ABTB3: variants seen among roughly 807,000 people sequenced by gnomAD.
ABTB3 encodes ankyrin repeat and BTB domain containing 3, also known as ankyrin repeat- and BTB/POZ domain-containing protein 3.
the ABTB3 span, among the ~76,000 whole-genome samples, chr12:107,363,372 G>A: frequency 6.6e-6 from 1 of 152,202 alleles, no homozygotes. Context: ...ATTCCATTTT[G>A]ACTTAAGGAT....
chr12:107,469,559 G>C, the ABTB3 span, among the ~76,000 whole-genome samples: 2 of 152,184 alleles, frequency 1.3e-5, no homozygotes, highest in African/African-American at 4.8e-5. Flanking sequence ...CGGGGGTGGA[G>C]AGGGCGAGGC....
At chr12:107,607,526 G>T in the ABTB3 span, among the ~76,000 whole-genome samples, 2 of 152,118 alleles carry the variant, frequency 1.3e-5, no homozygotes, top group Non-Finnish European at 1.5e-5. Flanking sequence ...GATCAACTCT[G>T]GGCCCCTAAG....
At chr12:107,556,956 G>A in the ABTB3 span, among the ~76,000 whole-genome samples, 1 of 152,012 alleles carries the variant, frequency 6.6e-6, no homozygotes, top group Non-Finnish European at 1.5e-5. Flanking sequence ...AGGTTGAAGT[G>A]AGCTGAGATC....
the ABTB3 span, among the ~76,000 whole-genome samples, chr12:107,349,536 C>T: frequency 0.2 from 30,319 of 152,134 alleles, 3,518 homozygotes; most frequent in East Asian, 0.34. Context: ...TGTGTAATCT[C>T]AGCAGGTTAT....
At chr12:107,603,945 G>A in the ABTB3 span, among the ~76,000 whole-genome samples, 4 of 152,118 alleles carry the variant, frequency 2.6e-5, no homozygotes, top group South Asian at 2.1e-4. Context: ...TGAGGCAGGC[G>A]GATCACAAGG....
chr12:107,445,720 A>G, the ABTB3 span, among the ~76,000 whole-genome samples: 1 of 152,326 alleles, frequency 6.6e-6, no homozygotes, highest in South Asian at 2.1e-4. Context: ...TCGAGGTGTC[A>G]GTAGAAAGTC....
At chr12:107,636,263 A>G in the ABTB3 span, among the ~76,000 whole-genome samples, 32 of 152,262 alleles carry the variant, frequency 2.1e-4, no homozygotes, top group East Asian at 5.8e-3. Context: ...GAGTTGATCA[A>G]CCTACAAAAA....
the ABTB3 span, among the ~76,000 whole-genome samples, chr12:107,411,926 C>T: frequency 2.8e-4 from 42 of 152,154 alleles, 2 homozygotes; most frequent in Admixed American, 2.2e-3. Flanking sequence ...GAGAGCAAGT[C>T]CTTTTATGGC....
At chr12:107,523,576 CT>C in the ABTB3 span, among the ~76,000 whole-genome samples, 1 of 151,704 alleles carries the variant, frequency 6.6e-6, no homozygotes, top group African/African-American at 2.4e-5. Context: ...TTCTTTTTTT[CT>C]TTTTTAATTA....
chr12:107,604,768 A>G, the ABTB3 span, among the ~76,000 whole-genome samples: 316 of 152,360 alleles, frequency 2.1e-3, 3 homozygotes, highest in African/African-American at 7.3e-3. Flanking sequence ...CACTGGCTAT[A>G]TATCCAAAGG....
chr12:107,584,881 C>T, the ABTB3 span, among the ~76,000 whole-genome samples: 1 of 152,184 alleles, frequency 6.6e-6, no homozygotes, highest in Non-Finnish European at 1.5e-5. Flanking sequence ...TTCCATGAGG[C>T]TGCATTTCTA....
the ABTB3 span, among the ~76,000 whole-genome samples, chr12:107,570,363 G>A: frequency 1.3e-5 from 2 of 152,144 alleles, no homozygotes; most frequent in South Asian, 4.2e-4. Flanking sequence ...GCAGGCACAC[G>A]CCACCACACC....
chr12:107,523,931 G>A, the ABTB3 span, among the ~76,000 whole-genome samples: 3 of 152,110 alleles, frequency 2.0e-5, no homozygotes, highest in African/African-American at 7.2e-5. Context: ...TGTCCCTAAG[G>A]TCTCAAAGCT....
chr12:107,445,068 C>T, the ABTB3 span, among the ~76,000 whole-genome samples: 2 of 152,176 alleles, frequency 1.3e-5, no homozygotes, highest in Non-Finnish European at 2.9e-5. Context: ...CAGCCTGGGG[C>T]CCCATCTTCC....
the ABTB3 span, among the ~76,000 whole-genome samples, chr12:107,639,398 G>A: frequency 6.6e-6 from 1 of 152,184 alleles, no homozygotes; most frequent in Admixed American, 6.5e-5. Flanking sequence ...CCTGCAGTGA[G>A]GTGGGTCATC....
chr12:107,406,876 C>G, the ABTB3 span, among the ~76,000 whole-genome samples: 2 of 152,190 alleles, frequency 1.3e-5, no homozygotes, highest in Non-Finnish European at 2.9e-5. Context: ...AAAGCCTAAA[C>G]TCCCCCAGCC....
At chr12:107,601,854 G>A in the ABTB3 span, among the ~76,000 whole-genome samples, 21 of 152,322 alleles carry the variant, frequency 1.4e-4, no homozygotes, top group African/African-American at 4.6e-4. Flanking sequence ...TGTTAATAAA[G>A]CATGTTAAAT....
chr12:107,475,324 A>G, the ABTB3 span, among the ~76,000 whole-genome samples: 1 of 152,178 alleles, frequency 6.6e-6, no homozygotes, highest in Non-Finnish European at 1.5e-5. Flanking sequence ...AATGACACCT[A>G]GGTCATCAAG....
the ABTB3 span, among the ~76,000 whole-genome samples, chr12:107,338,561 G>C: frequency 1.3e-5 from 2 of 152,186 alleles, no homozygotes; most frequent in Admixed American, 6.5e-5. Flanking sequence ...ATATTCCAGG[G>C]TTGGGAAGTC....
Sources: allele counts gnomAD v4.1 joint callset (sites outside exome capture counted in the v4.1 genomes callset), GRCh38; gene constraint gnomAD v4.1.1; transcripts MANE v1.5; gene names NCBI Gene and HGNC (gene_info 2026-07-23, HGNC 2026-07-21).